The following AOPEP variants were observed in gnomAD, a reference collection of about 807,000 sequenced individuals.
The protein encoded by AOPEP is aminopeptidase O (putative).
Under a neutral mutation model 98.1 loss-of-function variants are expected in AOPEP, and 77 were observed. The ratio of observed to expected loss-of-function variants is 0.78; its 90% confidence interval spans 0.65 to 0.95. The LOEUF is 0.95. AOPEP is among the 40% of genes least tolerant of loss of function. The probability of loss-of-function intolerance (pLI) is 0.00; values close to 1 mark genes in which losing one functional copy is unlikely to be tolerated. For synonymous variants in AOPEP, 346 were observed against 365.3 expected (o/e 0.95, Z 0.60); for missense variants, 1,024 against 1,024.7 (o/e 1.00, Z 0.01).
chr9:94,965,910 C>T (rs976860416), intron 9 of AOPEP, among the ~76,000 whole-genome samples: 13 of 150,782 alleles, frequency 8.6e-5, no homozygotes, highest in South Asian at 2.1e-4. Context: ...TGGGAGGCTT[C>T]GGTCTGCAGT....
At chr9:95,070,245 T>G (rs1299078374) in intron 14 of AOPEP, among the ~76,000 whole-genome samples, 1 of 152,232 alleles carries the variant, frequency 6.6e-6, no homozygotes, top group East Asian at 1.9e-4. Context: ...AAAGTCAAGT[T>G]AAATCTAATT....
chr9:95,088,727 A>G (rs1464794230), downstream of AOPEP, among the ~76,000 whole-genome samples: 2 of 152,216 alleles, frequency 1.3e-5, no homozygotes, highest in African/African-American at 4.8e-5. Context: ...GCCATGCTTT[A>G]TCTTCTTTAG....
rs1384903631 is a variant in AOPEP, at chr9:94,972,052, A to C, written c.1916+4251A>C. ...GCGGAGAGGACTGGAAGCCAGGAAA[A>C]CAATTAGAAACCAATAGAGCGGTTC... is the stretch of plus-strand genomic sequence containing the variant. On this transcript the variant is annotated intron_variant, in intron 10 of 16. Transcript: ENST00000375315. The surrounding 1 kb of genome is among the most constrained non-coding windows in gnomAD (Gnocchi z 4.2). 6.6e-6 allele frequency among the ~76,000 whole-genome samples: 1 copy of C among 152,178 alleles called. No homozygotes were observed. The highest frequency in any genetic ancestry group is 2.4e-5 in the African/African-American group (1 of 41,432).
the AOPEP span, chr9:95,110,633 C>CA: frequency 9.6e-7 from 1 of 1,043,106 alleles, no homozygotes; most frequent in Non-Finnish European, 1.2e-6. Context: ...AATACGCAGA[C>CA]ATCTTTATTA....
intron 5 of AOPEP, among the ~76,000 whole-genome samples, chr9:94,857,576 G>A (rs2044377576): frequency 1.3e-5 from 2 of 151,994 alleles, no homozygotes; most frequent in African/African-American, 4.8e-5. Context: ...TGACTTCTTA[G>A]GATGTTAAAA....
chr9:94,803,273 C>T (rs1259184978), intron 5 of AOPEP, among the ~76,000 whole-genome samples: 4 of 152,144 alleles, frequency 2.6e-5, no homozygotes, highest in Non-Finnish European at 5.9e-5. Flanking sequence ...TATGCAAGAT[C>T]GTAAATTCCA....
the AOPEP span, among the ~76,000 whole-genome samples, chr9:95,130,559 T>G: frequency 3.9e-5 from 6 of 152,224 alleles, no homozygotes; most frequent in Admixed American, 3.9e-4. Context: ...TGGAATAGAT[T>G]CTTTCCTGGT....
At chr9:95,035,599 A>G (rs2064744540) in intron 13 of AOPEP, among the ~76,000 whole-genome samples, 1 of 137,104 alleles carries the variant, frequency 7.3e-6, no homozygotes, top group Admixed American at 8.5e-5. Context: ...ACTCACCGCA[A>G]CCTCCGGCTC....
intron 7 of AOPEP, among the ~76,000 whole-genome samples, chr9:94,952,422 G>C (rs1022814162): frequency 6.6e-6 from 1 of 152,194 alleles, no homozygotes; most frequent in Admixed American, 6.5e-5. Flanking sequence ...TTTCTCTGCT[G>C]TCTGTCAACA....
intron 10 of AOPEP, among the ~76,000 whole-genome samples, chr9:94,976,959 G>C (rs902422201): frequency 1.3e-5 from 2 of 152,164 alleles, no homozygotes; most frequent in African/African-American, 4.8e-5. Context: ...GAGCCACTGT[G>C]CCTGGCCCAG....
At chr9:95,108,967 G>A in the AOPEP span, among the ~76,000 whole-genome samples, 2 of 151,452 alleles carry the variant, frequency 1.3e-5, no homozygotes, top group African/African-American at 4.9e-5. Context: ...ATGCAGTGGT[G>A]CAATCTCTAC....
chr9:95,130,461 T>A, the AOPEP span, among the ~76,000 whole-genome samples: 2 of 152,212 alleles, frequency 1.3e-5, no homozygotes, highest in African/African-American at 4.8e-5. Context: ...TATCAAGTGC[T>A]TTCCATCTAT....
chr9:94,888,795 A>G (rs982939554), intron 5 of AOPEP, among the ~76,000 whole-genome samples: 1 of 152,192 alleles, frequency 6.6e-6, no homozygotes, highest in Non-Finnish European at 1.5e-5. Context: ...ATCTCAGACA[A>G]CAAGAGACTA....
chr9:95,073,463 G>A (rs191408222), intron 14 of AOPEP, among the ~76,000 whole-genome samples: 2 of 148,996 alleles, frequency 1.3e-5, no homozygotes, highest in African/African-American at 5.2e-5. Context: ...AAAAAAGAAA[G>A]AAGAGGCCGG....
At chr9:94,815,562 C>G (rs937753722) in intron 5 of AOPEP, among the ~76,000 whole-genome samples, 1 of 152,094 alleles carries the variant, frequency 6.6e-6, no homozygotes, top group Admixed American at 6.6e-5. Flanking sequence ...TGGGTATCCT[C>G]CTATTCCTTT....
intron 7 of AOPEP, among the ~76,000 whole-genome samples, chr9:94,949,142 C>T (rs1436055932): frequency 6.6e-6 from 1 of 152,172 alleles, no homozygotes; most frequent in African/African-American, 2.4e-5. Context: ...AGCACTCAGA[C>T]CATTGCATTG....
At chr9:94,731,741 G>C (rs1372367026) in intron 1 of AOPEP, among the ~76,000 whole-genome samples, 1 of 147,892 alleles carries the variant, frequency 6.8e-6, no homozygotes, top group Non-Finnish European at 1.5e-5. Context: ...ACAACTCTTA[G>C]AAGGTTTTTT....
the AOPEP span, among the ~76,000 whole-genome samples, chr9:95,095,517 T>A: frequency 1.6e-4 from 25 of 152,302 alleles, no homozygotes; most frequent in East Asian, 2.7e-3. Context: ...CTGCAAATAC[T>A]TCTTCTTCCC....
chr9:95,102,884 G>C, the AOPEP span, among the ~76,000 whole-genome samples: 1 of 152,240 alleles, frequency 6.6e-6, no homozygotes, highest in Non-Finnish European at 1.5e-5. Context: ...CCCCCTGGCA[G>C]CACACAGGGC....
Sources: gnomAD v4.1 joint callset for allele counts (sites outside exome capture counted in the v4.1 genomes callset) on GRCh38, gnomAD v4.1.1 for gene constraint, Gnocchi (gnomAD v3.1) non-coding constraint, MANE v1.5 for transcripts, NCBI Gene and HGNC (gene_info 2026-07-23, HGNC 2026-07-21) for gene names.